AHRR: variants seen among roughly 807,000 people sequenced by gnomAD.
The protein encoded by AHRR is aryl hydrocarbon receptor repressor.
AHRR carries 28 observed loss-of-function variants against 44.0 expected under a neutral mutation model. The observed-to-expected ratio is 0.64, with a 90% confidence interval of 0.47 to 0.87. AHRR has a LOEUF of 0.87. Ranked by LOEUF, AHRR falls within the 40% of genes least tolerant of loss-of-function variation. The pLI, the probability that AHRR is intolerant of heterozygous loss-of-function variation, is 0.00. For synonymous variants in AHRR, 434 were observed against 407.0 expected, an observed-to-expected ratio of 1.07 and a Z score of -0.80; for missense variants, 990 against 953.9, an observed-to-expected ratio of 1.04 and a Z score of -0.50.
intron 3 of AHRR, among the ~76,000 whole-genome samples, chr5:359,388 C>T (rs1486561922): frequency 9.1e-6 from 1 of 110,334 alleles, no homozygotes; most frequent in Non-Finnish European, 2.2e-5. Context: ...GAAGAGCGCC[C>T]GCGAGTGGAG....
In AHRR at chr5:343,916, G is replaced by C; in HGVS notation, c.14G>C (p.Gly5Ala). MIPP[G>A]ECTYAGRKRR... ...AGGCCGAGGACGATGATCCCGCCGG[G>C]GGAGTGCACGTACGCGGGCCGGAAG... is the stretch of plus-strand genomic sequence containing the variant. The change falls in exon 2 of 11, where the codon GGG becomes GCG. Residue 5 changes from glycine (G) to alanine (A), a missense_variant. By Grantham distance (60) the Gly-to-Ala change is moderately conservative. Transcript: ENST00000684583. The C allele has an allele frequency of 6.2e-7, 1 of 1,601,658 alleles. No individual in the cohort carries two copies. Among genetic ancestry groups the C allele is most frequent in the South Asian group, 1.1e-5 (1 of 90,386 alleles).
At chr5:362,134 A>G (rs1356727178) in intron 3 of AHRR, among the ~76,000 whole-genome samples, 1 of 152,210 alleles carries the variant, frequency 6.6e-6, no homozygotes, top group African/African-American at 2.4e-5. Context: ...TGATGGGATT[A>G]GCACACGTAT....
intron 7 of AHRR, among the ~76,000 whole-genome samples, chr5:424,559 C>T (rs1241063517): frequency 6.6e-6 from 1 of 151,686 alleles, no homozygotes; most frequent in East Asian, 1.9e-4. Flanking sequence ...ACCGTGAGGC[C>T]TGCTGTGGTG....
At chr5:389,090 G>A (rs1051585367) in intron 4 of AHRR, among the ~76,000 whole-genome samples, 1 of 151,854 alleles carries the variant, frequency 6.6e-6, no homozygotes, top group African/African-American at 2.4e-5. Flanking sequence ...TCCTCAGGGA[G>A]ACCATCTGCG....
intron 2 of AHRR, among the ~76,000 whole-genome samples, chr5:350,323 C>T (rs535603107): frequency 9.8e-5 from 15 of 152,320 alleles, no homozygotes; most frequent in African/African-American, 3.6e-4. Context: ...GGTTTGTTCA[C>T]AGGCATTGCA....
At chr5:374,587 G>A (rs1743711401) in intron 3 of AHRR, among the ~76,000 whole-genome samples, 1 of 152,352 alleles carries the variant, frequency 6.6e-6, no homozygotes, top group African/African-American at 2.4e-5. Flanking sequence ...ATTTAGTGCA[G>A]TGAACAAACA....
chr5:428,487 C>T (rs1736572633), intron 8 of AHRR, among the ~76,000 whole-genome samples: 1 of 152,204 alleles, frequency 6.6e-6, no homozygotes, highest in South Asian at 2.1e-4. Flanking sequence ...CTGGCCAACC[C>T]AGGCCTACCC....
In AHRR at chr5:376,623, G is replaced by T; in HGVS notation, c.258G>T (p.Gln86His). ...VKSFFQVVQE[Q>H]SSRQPAAGAP... ...CTTCTCTGACAGTCGTGCAGGAGCA[G>T]AGCTCACGGCAGCCTGCGGCCGGCG... Residue 86 changes from glutamine to histidine, a missense_variant, in exon 4 of 11, where the codon CAG becomes CAT. Transcript: ENST00000684583. The T allele has an allele frequency of 8.3e-7, 1 of 1,208,384 alleles. No individual in the cohort carries two copies. The allele number at this position is 1,208,384 out of a possible 1,614,324, so 74.9% of individuals were successfully genotyped here.
At chr5:344,075 G>A (rs1012542289) in intron 2 of AHRR, 111 bp downstream of exon 2, 3 of 1,221,936 alleles carry the variant, frequency 2.5e-6, no homozygotes, top group South Asian at 1.4e-5. Context: ...GGAAGGCTTC[G>A]GGAGCCGGGC....
rs567564600 is a variant in AHRR, at chr5:406,053, G to C, written c.352-7291G>C. On this transcript the variant is annotated intron_variant, in intron 4 of 10. Coordinates refer to ENST00000684583, the MANE Select transcript of AHRR (RefSeq NM_001377236.1). The surrounding 1 kb of genome is among the most constrained non-coding windows in gnomAD (Gnocchi z 4.7). ...TGTATGAAACGCTCTACAGCCACCC[G>C]AAAAAGGTAGAAATTCTGCAACAAA... Among the ~76,000 whole-genome samples the C allele has an allele frequency of 6.6e-6, 1 of 152,222 alleles. No homozygotes were observed. The highest frequency in any genetic ancestry group is 6.5e-5 in the Admixed American group (1 of 15,304).
intron 5 of AHRR, among the ~76,000 whole-genome samples, chr5:414,812 A>G (rs780100768): frequency 6.6e-6 from 1 of 152,282 alleles, no homozygotes; most frequent in Non-Finnish European, 1.5e-5. Context: ...GTCTGGAGAC[A>G]GAAACTGTGC....
intron 3 of AHRR, among the ~76,000 whole-genome samples, chr5:361,721 G>A (rs565270988): frequency 1.3e-5 from 2 of 152,314 alleles, no homozygotes; most frequent in Non-Finnish European, 2.9e-5. Flanking sequence ...TTTGCAATGG[G>A]GAGTTCCATC....
intron 3 of AHRR, among the ~76,000 whole-genome samples, chr5:355,408 G>T (rs1385388277): frequency 6.6e-6 from 1 of 152,230 alleles, no homozygotes; most frequent in Non-Finnish European, 1.5e-5. Flanking sequence ...ATGGCAGAGG[G>T]CAGTCCCCGT....
At chr5:345,382 ATGTG>A (rs1240492496) in intron 2 of AHRR, among the ~76,000 whole-genome samples, 1 of 14,454 alleles carries the variant, frequency 6.9e-5, no homozygotes. Context: ...GTGTGTGGGG[ATGTG>A]TGTGTGTGTC....
In AHRR at chr5:395,062, G is replaced by T. The variant is rs1734640553; in HGVS notation, c.352-18282G>T. Among the ~76,000 whole-genome samples, 1 of 152,220 alleles carries T rather than the reference G, an allele frequency of 6.6e-6. No individual in the cohort carries two copies. Among genetic ancestry groups the T allele is most frequent in the African/African-American group, 2.4e-5 (1 of 41,468 alleles). On this transcript the variant is annotated intron_variant, in intron 4 of 10. Coordinates refer to ENST00000684583, the MANE Select transcript of AHRR (RefSeq NM_001377236.1). The surrounding 1 kb of genome is among the most constrained non-coding windows in gnomAD (Gnocchi z 5.3). ...GAGGGCAAAGGCAGGACGGGAAAGT[G>T]ATTTCTCCCACCTGTATTTTGACTG...
chr5:432,781 T>C (rs746756344), intron 9 of AHRR, 25 bp from the exon 10 acceptor site: 76 of 1,610,864 alleles, frequency 4.7e-5, no homozygotes, highest in Non-Finnish European at 6.2e-5. Context: ...CCGTGACGGC[T>C]TCCCCCCCCT....
intron 3 of AHRR, chr5:367,942 A>G: frequency 1.4e-6 from 1 of 702,594 alleles, no homozygotes; most frequent in African/African-American, 1.7e-5. Context: ...GCATCTGTTG[A>G]TGGTGAATAT....
rs1742215173 is a variant in AHRR, at chr5:338,332, G to A, written c.-10-5561G>A. Among the ~76,000 whole-genome samples, 1 of 152,176 alleles carries A rather than the reference G, an allele frequency of 6.6e-6. No homozygotes were observed. Among genetic ancestry groups the A allele is most frequent in the African/African-American group, 2.4e-5 (1 of 41,432 alleles). On this transcript the variant is annotated intron_variant, in intron 1 of 10. Transcript: ENST00000684583. This position sits in a 1 kb window ranked among gnomAD's most constrained non-coding sequence, Gnocchi z 4.1. ...GTAATGTTTCTTATAGTGTGGGTCA[G>A]CTAGTGATGATTTCTTTCAGTTTTT...
intron 3 of AHRR, 66 bp from the exon 4 acceptor site, chr5:376,544 G>GGGAA (rs1733679976): frequency 2.1e-5 from 30 of 1,405,668 alleles, no homozygotes; most frequent in Admixed American, 4.6e-5. Flanking sequence ...CAGGAAAGAT[G>GGGAA]TGAATGAAGA....
Sources: allele counts gnomAD v4.1 joint callset (sites outside exome capture counted in the v4.1 genomes callset), GRCh38; gene constraint gnomAD v4.1.1; non-coding constraint Gnocchi (gnomAD v3.1); transcripts MANE v1.5; gene names NCBI Gene and HGNC (gene_info 2026-07-23, HGNC 2026-07-21).